The following SCN1A variants were observed in gnomAD, a reference collection of about 807,000 sequenced individuals.
SCN1A encodes the protein sodium voltage-gated channel alpha subunit 1, also known as sodium channel protein type 1 subunit alpha.
SCN1A carries 13 observed loss-of-function variants against 193.7 expected under a neutral mutation model. That is an observed-to-expected ratio of 0.07 (90% CI 0.04 to 0.11). The LOEUF (loss-of-function observed/expected upper bound fraction) is 0.11, where lower values mean the gene tolerates loss of function less well. Among genes scored for constraint, SCN1A ranks in the 10% least tolerant of loss-of-function variants. The pLI is 1.00. For missense variants in SCN1A, 1,432 were observed against 2,451.1 expected (o/e 0.58, Z 8.78); for synonymous variants, 781 against 843.6 (o/e 0.93, Z 1.29).
chr2:166,034,023 G>A (rs1360287970), intron 19 of SCN1A, among the ~76,000 whole-genome samples: 1 of 151,920 alleles, frequency 6.6e-6, no homozygotes, highest in African/African-American at 2.4e-5. Flanking sequence ...GATTCCTTAG[G>A]AAAACTCAAA....
chr2:166,041,492 A>AG lies in SCN1A; in HGVS notation c.2177-24_2177-23insC, dbSNP rs1697182498. On this transcript the variant is annotated intron_variant, in intron 15 of 28. Transcript: ENST00000674923. ...GTTCTAGATTAAGAAAAAAAAAAAA[A>AG]AGAACCACCAAAAGGTATACTTTAT... 3 of 1,414,054 alleles carry AG rather than the reference A, an allele frequency of 2.1e-6. No homozygotes were observed. The African/African-American group carries it at 4.3e-5, about 20-fold the overall frequency. The allele number at this position is 1,414,054 out of a possible 1,614,324, so 87.6% of individuals were successfully genotyped here.
intron 9 of SCN1A, among the ~76,000 whole-genome samples, chr2:166,050,402 C>T (rs917837203): frequency 4.0e-5 from 6 of 150,880 alleles, no homozygotes; most frequent in African/African-American, 7.3e-5. Context: ...TATTTTACTT[C>T]GAGTATTGGA....
intron 1 of SCN1A, among the ~76,000 whole-genome samples, chr2:166,139,755 C>T (rs1376125091): frequency 6.6e-6 from 1 of 152,102 alleles, no homozygotes; most frequent in African/African-American, 2.4e-5. Context: ...TCTCGTGAGA[C>T]TTATACACCA....
chr2:166,088,850 G>A (rs1309466516), intron 2 of SCN1A, among the ~76,000 whole-genome samples: 6 of 152,168 alleles, frequency 3.9e-5, no homozygotes, highest in Non-Finnish European at 7.4e-5. Flanking sequence ...TGGACTGGCA[G>A]ATTGGAAGTA....
At chr2:165,995,366 G>GA (rs1689874013) in intron 27 of SCN1A, among the ~76,000 whole-genome samples, 9 of 151,748 alleles carry the variant, frequency 5.9e-5, no homozygotes, top group Non-Finnish European at 1.0e-4. Context: ...AATATTTATA[G>GA]TGTGGGATAA....
In SCN1A at chr2:166,056,454, A is replaced by G. The variant is rs867800353; in HGVS notation, c.430T>C (p.Phe144Leu). 6.2e-7 allele frequency: 1 copy of G among 1,608,826 alleles called. No individual in the cohort carries two copies. Among genetic ancestry groups the G allele is most frequent in the Non-Finnish European group, 8.5e-7 (1 of 1,175,372 alleles). ...IMCTILTNCV[F>L]MTMSNPPDWT... The stretch of plus-strand genomic sequence containing the variant: ...TCAGGAGGGTTACTCATTGTCATAA[A>G]CACACAGTTTGTCAAAATAGTGCAC... The change falls in exon 6 of 29, where the codon TTT becomes CTT. Residue 144 changes from phenylalanine to leucine, a missense_variant. This residue lies in a region of SCN1A where 123 missense variants were observed against 282.8 expected (regional missense o/e 0.43). Transcript: ENST00000674923.
chr2:166,056,347 C>T lies in SCN1A; in HGVS notation c.473+64G>A, dbSNP rs1389307947. The T allele has an allele frequency of 2.9e-6, 3 of 1,020,754 alleles. No individual in the cohort carries two copies. In the Admixed American group the frequency reaches 5.2e-5, roughly 18 times the overall value. The allele number at this position is 1,020,754 out of a possible 1,614,324, so 63.2% of individuals were successfully genotyped here. ...GCTCTTCAGTTTTATTTTAAGACTA[C>T]ATTAAGACACAGTTTCAAAATCCCA... On this transcript the variant is annotated intron_variant, in intron 6 of 28. Transcript: ENST00000674923.
intron 2 of SCN1A, among the ~76,000 whole-genome samples, chr2:166,121,966 C>G (rs1690651318): frequency 6.6e-6 from 1 of 152,148 alleles, no homozygotes; most frequent in African/African-American, 2.4e-5. Flanking sequence ...AGAAAAGAGA[C>G]ACCAGGAATG....
intron 13 of SCN1A, 85 bp from the exon 14 acceptor site, chr2:166,044,134 G>C (rs1234283431): frequency 1.4e-6 from 2 of 1,448,990 alleles, no homozygotes; most frequent in Non-Finnish European, 9.5e-7. Flanking sequence ...TATGTAGAAG[G>C]AGATTTCAGC....
chr2:166,139,013 G>C (rs1323769963), intron 1 of SCN1A, among the ~76,000 whole-genome samples: 1 of 152,198 alleles, frequency 6.6e-6, no homozygotes, highest in Non-Finnish European at 1.5e-5. Flanking sequence ...ACTTGCACAG[G>C]GTCTGTAGTT....
chr2:166,048,259 T>G (rs1698088932), intron 10 of SCN1A, among the ~76,000 whole-genome samples: 1 of 152,170 alleles, frequency 6.6e-6, no homozygotes, highest in Non-Finnish European at 1.5e-5. Flanking sequence ...TATAGGTAAA[T>G]GTGTGTCATG....
intron 23 of SCN1A, 159 bp from the exon 24 acceptor site, chr2:166,002,912 AT>A (rs139683811): frequency 9.8e-5 from 57 of 578,764 alleles, no homozygotes; most frequent in East Asian, 2.1e-4. Flanking sequence ...CTTAAAATTC[AT>A]TTTTTTTTCT....
intron 4 of SCN1A, among the ~76,000 whole-genome samples, chr2:166,062,386 T>C (rs564056778): frequency 6.6e-6 from 1 of 152,082 alleles, no homozygotes; most frequent in East Asian, 1.9e-4. Context: ...ATTGATCTTA[T>C]GTTTGTTTAT....
intron 1 of SCN1A, among the ~76,000 whole-genome samples, chr2:166,148,668 G>A (rs1049311111): frequency 6.6e-6 from 1 of 152,120 alleles, no homozygotes; most frequent in African/African-American, 2.4e-5. Context: ...TCACTTACAA[G>A]GGAAGCAAAT....
In SCN1A at chr2:165,992,352, A is replaced by G. The variant is rs369650500; in HGVS notation, c.4923T>C (p.Ala1641=). The change falls in exon 29 of 29, where the codon GCT becomes GCC. Residue 1641 remains alanine (A), a synonymous_variant. Transcript: ENST00000674923. The surrounding 1 kb of genome is among the most constrained non-coding windows in gnomAD (Gnocchi z 6.5). ...TCAGACGTAGGATTCGGCCAATCCTAGCAAGACGGATCACTCGGAACAGGG... is the reference window on the plus strand; with the variant it reads ...TCAGACGTAGGATTCGGCCAATCCTGGCAAGACGGATCACTCGGAACAGGG... ...SPTLFRVIRL[A]RIGRILRLIK... The G allele has an allele frequency of 3.5e-5, 56 of 1,613,646 alleles. No homozygotes were observed. In the Admixed American group the frequency reaches 8.0e-4, roughly 23 times the overall value.
chr2:166,020,456 C>T (rs1484661569), intron 19 of SCN1A, among the ~76,000 whole-genome samples: 1 of 152,148 alleles, frequency 6.6e-6, no homozygotes, highest in Non-Finnish European at 1.5e-5. Flanking sequence ...TTGCTCAGGT[C>T]GTTGGCTACT....
At chr2:166,018,201 A>G (rs1269401624) in intron 19 of SCN1A, among the ~76,000 whole-genome samples, 1 of 151,958 alleles carries the variant, frequency 6.6e-6, no homozygotes, top group Non-Finnish European at 1.5e-5. Context: ...TGCCAACCAT[A>G]TTTGTTTTCT....
intron 27 of SCN1A, among the ~76,000 whole-genome samples, chr2:165,995,801 G>T (rs1689950239): frequency 6.6e-6 from 1 of 151,544 alleles, no homozygotes; most frequent in Non-Finnish European, 1.5e-5. Context: ...GAAGTCAAGG[G>T]TGTATCTTCT....
At chr2:165,997,873 A>G (rs1035044414) in intron 26 of SCN1A, among the ~76,000 whole-genome samples, 165 bp downstream of exon 26, 18 of 151,320 alleles carry the variant, frequency 1.2e-4, no homozygotes, top group African/African-American at 4.3e-4. Context: ...AGCTTTCTAT[A>G]GCCGGAAATA....
Sources: allele counts gnomAD v4.1 joint callset (sites outside exome capture counted in the v4.1 genomes callset), GRCh38; gene constraint gnomAD v4.1.1; regional missense constraint gnomAD v4.1.1; non-coding constraint Gnocchi (gnomAD v3.1); transcripts MANE v1.5; gene names NCBI Gene and HGNC (gene_info 2026-07-23, HGNC 2026-07-21).